Variants in SLC28A3 observed in about 807,000 individuals in gnomAD.
SLC28A3 encodes the protein solute carrier family 28 member 3.
In SLC28A3, 68 loss-of-function variants were observed where a neutral mutation model predicts 84.2. That is an observed-to-expected ratio of 0.81 (90% CI 0.66 to 0.99). The LOEUF is 0.99. Among genes scored for constraint, SLC28A3 ranks in the 50% least tolerant of loss-of-function variants. The probability of loss-of-function intolerance (pLI) is 0.00; values close to 1 mark genes in which losing one functional copy is unlikely to be tolerated. For synonymous variants in SLC28A3, 267 were observed against 303.6 expected, an observed-to-expected ratio of 0.88 and a Z score of 1.25; for missense variants, 712 against 841.5, an observed-to-expected ratio of 0.85 and a Z score of 1.90.
At position 84,280,782 on chromosome 9, in the gene SLC28A3, G is replaced by A; in HGVS notation, c.1729+19C>T. ...TCTATGGCACATCTGTGTTGTTGAA[G>A]AATGTTCTTTTCACTTACTGAGTCC... On this transcript the variant is annotated intron_variant, in intron 15 of 17. Transcript: ENST00000376238. The A allele has an allele frequency of 6.2e-7, 1 of 1,612,534 alleles. No individual in the cohort carries two copies. Among genetic ancestry groups the A allele is most frequent in the East Asian group, 2.2e-5 (1 of 44,880 alleles).
In SLC28A3 at chr9:84,297,952, G is replaced by C. The variant is rs758844484; in HGVS notation, c.737C>G (p.Thr246Ser). ...ATCAAAAGCTATAAATCCAGGGTCA[G>C]TCCTTAGAATCAAGAGCCCAAGAAG... Reference protein sequence around the residue: ...QFLLGLLILRTDPGFIAFDWL... With the variant: ...QFLLGLLILRSDPGFIAFDWL... Residue 246 changes from threonine to serine, a missense_variant, in exon 7 of 18, where the codon ACT becomes AGT. Physicochemically the swap from Thr to Ser is moderately conservative, Grantham distance 58. Transcript: ENST00000376238. 1.9e-6 allele frequency: 3 copies of C among 1,612,340 alleles called. No homozygotes were observed. In the East Asian group the frequency reaches 6.7e-5, roughly 36 times the overall value.
At chr9:84,343,219 A>G (rs1305450447), upstream of SLC28A3, among the ~76,000 whole-genome samples, 1 of 152,026 alleles carries the variant, frequency 6.6e-6, no homozygotes, top group East Asian at 1.9e-4. Flanking sequence ...AAAAGCAAAA[A>G]AAAATTGCCC....
chr9:84,279,164 C>T (rs1050945666), intron 17 of SLC28A3, 101 bp downstream of exon 17: 10 of 1,143,996 alleles, frequency 8.7e-6, no homozygotes, highest in Non-Finnish European at 9.2e-6. Flanking sequence ...CAGAGCAAGA[C>T]TCCGTCTCAA....
At chr9:84,363,246 G>A in the SLC28A3 span, among the ~76,000 whole-genome samples, 5 of 152,306 alleles carry the variant, frequency 3.3e-5, no homozygotes, top group South Asian at 2.1e-4. Context: ...GAGATTGAAC[G>A]AAGGTACAGG....
chr9:84,321,842 G>A (rs1236722343), intron 1 of SLC28A3, among the ~76,000 whole-genome samples: 1 of 151,868 alleles, frequency 6.6e-6, no homozygotes, highest in Non-Finnish European at 1.5e-5. Context: ...ATGAAGTCAG[G>A]AGTTTGAGAC....
At chr9:84,309,481 T>A in intron 3 of SLC28A3, 148 bp downstream of exon 3, 2 of 576,376 alleles carry the variant, frequency 3.5e-6, no homozygotes, top group Admixed American at 3.8e-5. Flanking sequence ...CGAGATCACA[T>A]CACTGCACTC....
chr9:84,343,343 A>G (rs573002104), upstream of SLC28A3, among the ~76,000 whole-genome samples: 4 of 152,338 alleles, frequency 2.6e-5, no homozygotes, highest in Admixed American at 1.3e-4. Flanking sequence ...TTTTCTCTTT[A>G]TCAGTGACTG....
At chr9:84,355,127 C>T in the SLC28A3 span, among the ~76,000 whole-genome samples, 2 of 152,172 alleles carry the variant, frequency 1.3e-5, no homozygotes, top group East Asian at 1.9e-4. Flanking sequence ...TGCTGGACGT[C>T]GTATGGAGCC....
intron 5 of SLC28A3, 117 bp downstream of exon 5, chr9:84,302,083 T>C (rs1218624436): frequency 1.1e-6 from 1 of 881,934 alleles, no homozygotes; most frequent in Non-Finnish European, 1.7e-6. Flanking sequence ...CTTCCTAGGG[T>C]GTTTCTAGCT....
chr9:84,340,425 A>C, intron 1 of SLC28A3, 149 bp downstream of exon 1: 1 of 790,890 alleles, frequency 1.3e-6, no homozygotes, highest in Non-Finnish European at 2.1e-6. Context: ...GAAGAGCCCA[A>C]GAAGAAAAAA....
intron 11 of SLC28A3, among the ~76,000 whole-genome samples, chr9:84,289,630 C>T (rs975290193): frequency 6.6e-6 from 1 of 152,222 alleles, no homozygotes; most frequent in Non-Finnish European, 1.5e-5. Context: ...TTGAGAATCA[C>T]TGCTCTAGAC....
upstream of SLC28A3, among the ~76,000 whole-genome samples, chr9:84,344,750 T>C (rs527663281): frequency 9.2e-5 from 14 of 152,278 alleles, no homozygotes; most frequent in African/African-American, 2.9e-4. Flanking sequence ...ACTCAACCAA[T>C]TGTCAACCAG....
chr9:84,324,868 G>A (rs1383213692), intron 1 of SLC28A3, among the ~76,000 whole-genome samples: 2 of 152,042 alleles, frequency 1.3e-5, no homozygotes, highest in African/African-American at 4.8e-5. Flanking sequence ...GCCCCTTTTG[G>A]ACTACAGCTG....
In SLC28A3 at chr9:84,280,016, A is replaced by G. The variant is rs772306778; in HGVS notation, c.1787T>C (p.Ile596Thr). The G allele has an allele frequency of 3.7e-6, 6 of 1,614,028 alleles. No individual in the cohort carries two copies. The highest frequency in any genetic ancestry group is 5.1e-6 in the Non-Finnish European group (6 of 1,179,996). The change falls in exon 16 of 18, where the codon ATT becomes ACT. Residue 596 changes from isoleucine (I) to threonine (T), a missense_variant. Transcript: ENST00000376238. ...DIASGAVRAL[I>T]AGTVACFMTA... The stretch of plus-strand genomic sequence containing the variant: ...CATGAAGCAGGCCACGGTCCCCGCA[A>G]TCAGAGCTCTCACTGCCCCCGAGGC...
intron 3 of SLC28A3, among the ~76,000 whole-genome samples, chr9:84,305,559 G>A (rs1309959289): frequency 6.6e-6 from 1 of 152,174 alleles, no homozygotes; most frequent in Non-Finnish European, 1.5e-5. Context: ...CATTGAATAA[G>A]TGTGCCAAGC....
At chr9:84,360,670 C>T in the SLC28A3 span, among the ~76,000 whole-genome samples, 2 of 152,088 alleles carry the variant, frequency 1.3e-5, no homozygotes, top group African/African-American at 4.8e-5. Context: ...GTAATCCCAG[C>T]ACTTTGGGAG....
At chr9:84,288,999 T>C (rs1381648419) in intron 11 of SLC28A3, among the ~76,000 whole-genome samples, 3 of 152,210 alleles carry the variant, frequency 2.0e-5, no homozygotes, top group African/African-American at 7.2e-5. Context: ...ATTGATCTGG[T>C]GGCCCTTTAA....
chr9:84,280,023 C>A lies in SLC28A3; in HGVS notation c.1780G>T (p.Ala594Ser). The change falls in exon 16 of 18, where the codon GCT becomes TCT. Residue 594 changes from alanine to serine, a missense_variant. Ala to Ser is a moderately conservative substitution (Grantham distance 99). Coordinates refer to ENST00000376238, the MANE Select transcript of SLC28A3 (RefSeq NM_001199633.2). ...KRDIASGAVR[A>S]LIAGTVACFM... ...CAGGCCACGGTCCCCGCAATCAGAG[C>A]TCTCACTGCCCCCGAGGCGATATCA... 6.2e-7 allele frequency: 1 copy of A among 1,614,030 alleles called. No individual in the cohort carries two copies. The highest frequency in any genetic ancestry group is 8.5e-7 in the Non-Finnish European group (1 of 1,180,024).
chr9:84,307,439 A>C (rs1564161798), intron 3 of SLC28A3, among the ~76,000 whole-genome samples: 3 of 150,740 alleles, frequency 2.0e-5, no homozygotes, highest in Admixed American at 1.3e-4. Context: ...TCAAAAAAAA[A>C]AAAAAACAAA....
Sources: allele counts gnomAD v4.1 joint callset (sites outside exome capture counted in the v4.1 genomes callset), GRCh38; gene constraint gnomAD v4.1.1; transcripts MANE v1.5; gene names NCBI Gene and HGNC (gene_info 2026-07-23, HGNC 2026-07-21).